The following RASAL2 variants were observed in gnomAD, a reference collection of about 807,000 sequenced individuals.
RASAL2 encodes the protein RAS protein activator like 2, also known as ras GTPase-activating protein nGAP.
A neutral mutation model predicts 128.9 loss-of-function variants in RASAL2; 58 were observed. The ratio of observed to expected loss-of-function variants is 0.45; its 90% confidence interval spans 0.36 to 0.56. RASAL2 has a LOEUF of 0.56. Ranked by LOEUF, RASAL2 falls within the 20% of genes least tolerant of loss-of-function variation. The pLI, the probability that RASAL2 is intolerant of heterozygous loss-of-function variation, is 0.00. For missense variants in RASAL2, 1,360 were observed against 1,601.6 expected (o/e 0.85, Z 2.57); for synonymous variants, 561 against 580.8 (o/e 0.97, Z 0.49).
chr1:178,405,021 C>A (rs1673910507), intron 4 of RASAL2, among the ~76,000 whole-genome samples: 1 of 152,158 alleles, frequency 6.6e-6, no homozygotes, highest in Non-Finnish European at 1.5e-5. Flanking sequence ...AATATTATTT[C>A]ACCTTTCAGT....
intron 1 of RASAL2, among the ~76,000 whole-genome samples, chr1:178,247,594 T>G (rs1049872198): frequency 3.3e-5 from 5 of 152,190 alleles, no homozygotes; most frequent in African/African-American, 1.2e-4. Flanking sequence ...TCTTAGTTAT[T>G]TATTGCCTTC....
rs143595770 is a variant in RASAL2 at position 178,361,447 on chromosome 1, A to C, written c.458-28653A>C. Among the ~76,000 whole-genome samples, 4 of 152,320 alleles carry C rather than the reference A, an allele frequency of 2.6e-5. No individual in the cohort carries two copies. In the East Asian group the frequency reaches 7.7e-4, roughly 29 times the overall value. ...TTTGAGTTGCCAAAACATTTCTGTA[A>C]TAATGTATACATTCTCCATAGCTAT... On this transcript the variant is annotated intron_variant, in intron 3 of 17. Transcript: ENST00000367649.
chr1:178,435,059 T>C (rs1676167407), intron 5 of RASAL2, among the ~76,000 whole-genome samples: 1 of 151,960 alleles, frequency 6.6e-6, no homozygotes, highest in South Asian at 2.1e-4. Flanking sequence ...AATACAACAG[T>C]ATGTTGCTGC....
intron 3 of RASAL2, among the ~76,000 whole-genome samples, chr1:178,367,398 T>C (rs1024519908): frequency 7.9e-5 from 12 of 152,170 alleles, no homozygotes; most frequent in Admixed American, 6.5e-4. Flanking sequence ...AGATTACCTA[T>C]TTCCCCTTTT....
intron 2 of RASAL2, among the ~76,000 whole-genome samples, chr1:178,284,656 A>G (rs1268707104): frequency 1.3e-5 from 2 of 152,242 alleles, no homozygotes; most frequent in African/African-American, 4.8e-5. Context: ...CTTATTGGTG[A>G]TTAATCAGGT....
chr1:178,330,739 GA>G (rs1029430579), intron 3 of RASAL2, among the ~76,000 whole-genome samples: 3 of 151,898 alleles, frequency 2.0e-5, no homozygotes, highest in African/African-American at 4.8e-5. Flanking sequence ...GTTTTTGAGG[GA>G]AAAAAATACT....
At chr1:178,338,469 A>G in intron 3 of RASAL2, among the ~76,000 whole-genome samples, 1 of 152,178 alleles carries the variant, frequency 6.6e-6, no homozygotes, top group East Asian at 1.9e-4. Context: ...ATTGAATTGT[A>G]TACCTGAACC....
chr1:178,156,429 ATAAACAG>A (rs1034091834), intron 1 of RASAL2, among the ~76,000 whole-genome samples: 1 of 152,210 alleles, frequency 6.6e-6, no homozygotes, highest in African/African-American at 2.4e-5. Flanking sequence ...TGGACTCCTT[ATAAACAG>A]TAAACTTTGA....
At chr1:178,292,686 TGAGA>T (rs1667333517) in intron 2 of RASAL2, among the ~76,000 whole-genome samples, 1 of 107,254 alleles carries the variant, frequency 9.3e-6, no homozygotes, top group African/African-American at 2.6e-5. Context: ...TTGCAAGAGA[TGAGA>T]CCAAGTAAAT....
At chr1:178,152,748 A>G (rs1339779680) in intron 1 of RASAL2, among the ~76,000 whole-genome samples, 1 of 152,224 alleles carries the variant, frequency 6.6e-6, no homozygotes, top group African/African-American at 2.4e-5. Flanking sequence ...AAAATAATTT[A>G]ATGAGTCCCA....
At chr1:178,404,373 A>G (rs1217465655) in intron 4 of RASAL2, among the ~76,000 whole-genome samples, 2 of 151,798 alleles carry the variant, frequency 1.3e-5, no homozygotes, top group Non-Finnish European at 2.9e-5. Context: ...GACAAATGCA[A>G]TTTTTTTGTT....
At chr1:178,257,522 A>T (rs1383247629) in intron 1 of RASAL2, among the ~76,000 whole-genome samples, 1 of 152,104 alleles carries the variant, frequency 6.6e-6, no homozygotes, top group African/African-American at 2.4e-5. Context: ...ACCACTCATC[A>T]TAAGAGTATA....
At chr1:178,212,419 C>T (rs178397) in intron 1 of RASAL2, among the ~76,000 whole-genome samples, 38,591 of 152,034 alleles carry the variant, frequency 0.25, 6,119 homozygotes, top group Middle Eastern at 0.37. Context: ...TGCCAGCTAA[C>T]GGAGGAACTG....
rs983002502 is a variant in RASAL2, at chr1:178,232,971, C to G, written c.203-50593C>G. ...CTTAAAAAAATCATTTCCCGAAAGC[C>G]TATTACAGAAATGTAACCTACTGCA... On this transcript the variant is annotated intron_variant, in intron 1 of 17. Coordinates refer to ENST00000367649, the MANE Select transcript of RASAL2 (RefSeq NM_170692.4). Among the ~76,000 whole-genome samples, 7 of 152,274 alleles carry G rather than the reference C, an allele frequency of 4.6e-5. No homozygotes were observed. In the East Asian group the frequency reaches 1.2e-3, roughly 25 times the overall value.
At chr1:178,265,425 A>G (rs1294568729) in intron 1 of RASAL2, among the ~76,000 whole-genome samples, 3 of 152,190 alleles carry the variant, frequency 2.0e-5, no homozygotes, top group Non-Finnish European at 4.4e-5. Flanking sequence ...CAATGCCCAA[A>G]TAATTAATAA....
chr1:178,175,261 T>C (rs529383822), intron 1 of RASAL2, among the ~76,000 whole-genome samples: 43 of 152,206 alleles, frequency 2.8e-4, no homozygotes, highest in African/African-American at 1.0e-3. Flanking sequence ...ATTAACTTTT[T>C]TGGGGGGAAA....
chr1:178,428,534 CTTAA>C (rs1449290795), intron 5 of RASAL2, among the ~76,000 whole-genome samples: 1 of 148,484 alleles, frequency 6.7e-6, no homozygotes, highest in Non-Finnish European at 1.5e-5. Context: ...AATAAAAGAT[CTTAA>C]TTCAGAACTT....
chr1:178,457,099 G>T (rs1203519625), intron 13 of RASAL2, among the ~76,000 whole-genome samples, 200 bp downstream of exon 13: 1 of 152,208 alleles, frequency 6.6e-6, no homozygotes, highest in Non-Finnish European at 1.5e-5. Context: ...TGGTAGTATA[G>T]AGAGTTACAA....
At chr1:178,416,573 G>A (rs1156684022) in intron 4 of RASAL2, among the ~76,000 whole-genome samples, 2 of 151,912 alleles carry the variant, frequency 1.3e-5, no homozygotes, top group Non-Finnish European at 2.9e-5. Context: ...TTCTTAAGAA[G>A]GTCCAATTTG....
Sources: allele counts gnomAD v4.1 joint callset (sites outside exome capture counted in the v4.1 genomes callset), GRCh38; gene constraint gnomAD v4.1.1; transcripts MANE v1.5; gene names NCBI Gene and HGNC (gene_info 2026-07-23, HGNC 2026-07-21).